The following PCDHA12 variants were observed in gnomAD, a reference collection of about 807,000 sequenced individuals.
The protein encoded by PCDHA12 is protocadherin alpha 12, also known as protocadherin alpha-12.
Under a neutral mutation model 60.0 loss-of-function variants are expected in PCDHA12, and 44 were observed. That is an observed-to-expected ratio of 0.73 (90% CI 0.58 to 0.94). PCDHA12 has a LOEUF of 0.94. PCDHA12 is among the 40% of genes least tolerant of loss of function. The pLI is 0.00. For missense variants in PCDHA12, 1,276 were observed against 1,239.7 expected, an observed-to-expected ratio of 1.03 and a Z score of -0.44; for synonymous variants, 569 against 553.0, an observed-to-expected ratio of 1.03 and a Z score of -0.40.
intron 1 of PCDHA12, among the ~76,000 whole-genome samples, chr5:140,879,472 G>T (rs546855959): frequency 6.6e-6 from 1 of 152,318 alleles, no homozygotes; most frequent in South Asian, 2.1e-4. Context: ...GAATACCGTT[G>T]TGATTGGAAA....
At chr5:140,907,093 C>A (rs1303875069) in intron 1 of PCDHA12, among the ~76,000 whole-genome samples, 2 of 152,090 alleles carry the variant, frequency 1.3e-5, no homozygotes, top group Non-Finnish European at 2.9e-5. Flanking sequence ...GTAAGTGGTG[C>A]CACTTCCACT....
At chr5:140,882,180 AG>A (rs2058993159) in intron 1 of PCDHA12, 1 of 1,518,026 alleles carries the variant, frequency 6.6e-7, no homozygotes. Flanking sequence ...CTTCCGCACT[AG>A]GAAGCCATAA....
At chr5:140,956,098 GA>G (rs2095256801) in intron 1 of PCDHA12, among the ~76,000 whole-genome samples, 1 of 152,160 alleles carries the variant, frequency 6.6e-6, no homozygotes, top group African/African-American at 2.4e-5. Context: ...TGCAAACAAA[GA>G]TAATTTGATT....
intron 3 of PCDHA12, among the ~76,000 whole-genome samples, chr5:140,989,765 C>G (rs2097359812): frequency 6.6e-6 from 1 of 152,286 alleles, no homozygotes. Context: ...ATATTCAGTT[C>G]AAGCACTGGC....
rs191774551 is a variant in PCDHA12, at chr5:140,984,794, A to C, written c.2515+2231A>C. Among the ~76,000 whole-genome samples, 4 of 152,294 alleles carry C rather than the reference A, an allele frequency of 2.6e-5. No homozygotes were observed. In the East Asian group the frequency reaches 7.7e-4, roughly 29 times the overall value. ...CTTACTTGCTGGGTGAGCATAGACA[A>C]ACTGCCTGAATTCATATTTTCTTAA... On this transcript the variant is annotated intron_variant, in intron 3 of 3. Transcript: ENST00000398631.
At chr5:140,907,416 T>C (rs1209334366) in intron 1 of PCDHA12, among the ~76,000 whole-genome samples, 1 of 152,206 alleles carries the variant, frequency 6.6e-6, no homozygotes, top group East Asian at 1.9e-4. Flanking sequence ...ACCACGATGG[T>C]GGATAAGGCA....
chr5:140,891,076 A>G (rs2062939819), intron 1 of PCDHA12, among the ~76,000 whole-genome samples: 1 of 152,160 alleles, frequency 6.6e-6, no homozygotes, highest in African/African-American at 2.4e-5. Flanking sequence ...TCCAGTGTCT[A>G]CTGGTTTCCA....
At chr5:140,926,850 G>A (rs375350613) in intron 1 of PCDHA12, 3 of 1,517,570 alleles carry the variant, frequency 2.0e-6, no homozygotes, top group African/African-American at 2.8e-5. Flanking sequence ...CTGGGTCACC[G>A]TTGGTGTAGC....
At chr5:140,973,768 A>G (rs1408539146) in intron 1 of PCDHA12, among the ~76,000 whole-genome samples, 3 of 152,258 alleles carry the variant, frequency 2.0e-5, no homozygotes, top group African/African-American at 7.2e-5. Flanking sequence ...ACAGCCTGGC[A>G]TATTATAGGT....
intron 1 of PCDHA12, among the ~76,000 whole-genome samples, chr5:140,898,043 T>A (rs1554187781): frequency 6.6e-6 from 1 of 152,148 alleles, no homozygotes; most frequent in African/African-American, 2.4e-5. Context: ...GTTGTTTGTT[T>A]TTTTCTTGTA....
intron 1 of PCDHA12, among the ~76,000 whole-genome samples, chr5:140,943,562 T>G (rs246066): frequency 0.58 from 88,255 of 152,018 alleles, 26,572 homozygotes; most frequent in African/African-American, 0.75. Flanking sequence ...ACAATAATCA[T>G]TTTAATTTGT....
chr5:140,969,418 TTAACAG>T (rs782375088), intron 1 of PCDHA12: 40 of 1,564,272 alleles, frequency 2.6e-5, no homozygotes, highest in Non-Finnish European at 3.4e-5. Context: ...TATTGAGTCA[TTAACAG>T]TGACAAGAGT....
chr5:140,952,582 G>A (rs552541968), intron 1 of PCDHA12, among the ~76,000 whole-genome samples: 4 of 152,220 alleles, frequency 2.6e-5, no homozygotes, highest in East Asian at 3.9e-4. Context: ...AATCATTCAA[G>A]TAGTCTCTAG....
intron 1 of PCDHA12, among the ~76,000 whole-genome samples, chr5:140,945,295 T>G (rs2093770302): frequency 6.6e-6 from 1 of 152,084 alleles, no homozygotes; most frequent in Non-Finnish European, 1.5e-5. Flanking sequence ...TGAAAGAAAT[T>G]GAAGAAGACA....
At chr5:140,884,378 A>G (rs781954919) in intron 1 of PCDHA12, 3 of 1,613,952 alleles carry the variant, frequency 1.9e-6, no homozygotes, top group Non-Finnish European at 2.5e-6. Flanking sequence ...GATCATTGCC[A>G]TCTGCGCGGT....
intron 3 of PCDHA12, among the ~76,000 whole-genome samples, chr5:141,001,281 A>T (rs1239906088): frequency 6.6e-6 from 1 of 152,168 alleles, no homozygotes; most frequent in African/African-American, 2.4e-5. Context: ...TTTTTTACGG[A>T]TGAAAACTGA....
At chr5:140,968,419 T>C (rs372766707) in intron 1 of PCDHA12, 37 of 1,613,898 alleles carry the variant, frequency 2.3e-5, no homozygotes, top group Non-Finnish European at 3.0e-5. Context: ...CTGTGGAGGC[T>C]CAGGACAAGG....
In PCDHA12 at chr5:140,986,391, G is replaced by A. The variant is rs144915625; in HGVS notation, c.2515+3828G>A. Among the ~76,000 whole-genome samples, 1,153 of 152,256 alleles carry A rather than the reference G, an allele frequency of 7.6e-3. 6 individuals are homozygous for A. Among genetic ancestry groups the A allele is most frequent in the Middle Eastern group, 0.014 (4 of 294 alleles). ...GTTTTGGGGGGAGGGACATTAAAGG[G>A]CCAGTCGCTCATGTTACAGCTCTTT... On this transcript the variant is annotated intron_variant, in intron 3 of 3. Transcript: ENST00000398631.
intron 1 of PCDHA12, chr5:140,967,210 C>T (rs146322183): frequency 1.4e-4 from 231 of 1,613,674 alleles, no homozygotes; most frequent in Admixed American, 5.0e-4. Flanking sequence ...CACCGCGTTT[C>T]CCGCGGCCCA....
Sources: gnomAD v4.1 joint callset for allele counts (sites outside exome capture counted in the v4.1 genomes callset) on GRCh38, gnomAD v4.1.1 for gene constraint, MANE v1.5 for transcripts, NCBI Gene and HGNC (gene_info 2026-07-23, HGNC 2026-07-21) for gene names.